The following TAFA2 variants were observed in gnomAD, a reference collection of about 807,000 sequenced individuals.
The protein encoded by TAFA2 is chemokine-like protein TAFA-2.
A neutral mutation model predicts 18.8 loss-of-function variants in TAFA2; 7 were observed. The ratio of observed to expected loss-of-function variants is 0.37; its 90% confidence interval spans 0.21 to 0.70. The LOEUF (loss-of-function observed/expected upper bound fraction) is 0.70. Among genes scored for constraint, TAFA2 ranks in the 30% least tolerant of loss-of-function variants. The probability of loss-of-function intolerance (pLI) is 0.53; values close to 1 mark genes in which losing one functional copy is unlikely to be tolerated. For synonymous variants in TAFA2, 60 were observed against 54.2 expected, an observed-to-expected ratio of 1.11 and a Z score of -0.47; for missense variants, 122 against 158.1, an observed-to-expected ratio of 0.77 and a Z score of 1.23.
At chr12:61,823,669 C>T (rs1221817703) in intron 2 of TAFA2, among the ~76,000 whole-genome samples, 1 of 152,114 alleles carries the variant, frequency 6.6e-6, no homozygotes, top group Non-Finnish European at 1.5e-5. Flanking sequence ...TAGTTTCAGC[C>T]CTTGAAACAA....
At chr12:61,869,250 G>C (rs10735896) in intron 1 of TAFA2, among the ~76,000 whole-genome samples, 123,732 of 152,166 alleles carry the variant, frequency 0.81, 50,462 homozygotes, top group East Asian at 0.89. Flanking sequence ...TGCTGACTAT[G>C]TGACTTTGAA....
chr12:62,231,057 A>G (rs1427986651), intron 1 of TAFA2, among the ~76,000 whole-genome samples: 1 of 152,234 alleles, frequency 6.6e-6, no homozygotes, highest in Admixed American at 6.5e-5. Flanking sequence ...ATTTATGTCC[A>G]TTTGATCCAC....
At chr12:61,998,007 T>A (rs1441639460) in intron 1 of TAFA2, among the ~76,000 whole-genome samples, 1 of 151,976 alleles carries the variant, frequency 6.6e-6, no homozygotes, top group Non-Finnish European at 1.5e-5. Flanking sequence ...TCAGTTCCAA[T>A]CTGCAGGAAA....
At chr12:61,778,432 C>T (rs1432972276) in intron 2 of TAFA2, among the ~76,000 whole-genome samples, 8 of 151,756 alleles carry the variant, frequency 5.3e-5, no homozygotes, top group South Asian at 4.2e-4. Flanking sequence ...TACTGACAAA[C>T]GCTTGCCACC....
intron 1 of TAFA2, among the ~76,000 whole-genome samples, chr12:62,168,534 C>T (rs1311920187): frequency 6.6e-6 from 1 of 152,150 alleles, no homozygotes; most frequent in South Asian, 2.1e-4. Context: ...GGGGGAAGTA[C>T]AGGCCAACAG....
Position 62,011,512 on chromosome 12 carries a change from T to C in TAFA2, c.-1-144086A>G, listed in dbSNP as rs556291697. Reference sequence around the variant, plus strand: ...TCAGGGTTAAATGGATTAAGGGCGGTGCAAGATGTGCTTTGTTAAACAGAT... The same window carrying C: ...TCAGGGTTAAATGGATTAAGGGCGGCGCAAGATGTGCTTTGTTAAACAGAT... On this transcript the variant is annotated intron_variant, in intron 1 of 4. Coordinates refer to ENST00000416284, the MANE Select transcript of TAFA2 (RefSeq NM_178539.5). 1.4e-4 allele frequency among the ~76,000 whole-genome samples: 21 copies of C among 152,174 alleles called. No individual in the cohort carries two copies. In the South Asian group the frequency reaches 1.9e-3, roughly 14 times the overall value.
In TAFA2 at chr12:61,725,919, G is replaced by T. The variant is rs908373460; in HGVS notation, c.385-15502C>A. Among the ~76,000 whole-genome samples, 5 of 152,002 alleles carry T rather than the reference G, an allele frequency of 3.3e-5. 1 individual carries two copies. The highest frequency in any genetic ancestry group is 2.0e-4 in the Admixed American group (3 of 15,226). Reference sequence around the variant, plus strand: ...ACAATAAACTTTGGGGATTTGGGGAGAAGGGTTGGTGAGGGGTGAGGTATA... The same window carrying T: ...ACAATAAACTTTGGGGATTTGGGGATAAGGGTTGGTGAGGGGTGAGGTATA... On this transcript the variant is annotated intron_variant, in intron 4 of 4. Coordinates refer to ENST00000416284, the MANE Select transcript of TAFA2 (RefSeq NM_178539.5).
At chr12:62,237,034 A>C in intron 1 of TAFA2, among the ~76,000 whole-genome samples, 1 of 152,156 alleles carries the variant, frequency 6.6e-6, no homozygotes, top group East Asian at 1.9e-4. Context: ...TTGAATAGTC[A>C]TTCTACCCCT....
At chr12:62,206,122 C>T (rs1010710450) in intron 1 of TAFA2, among the ~76,000 whole-genome samples, 1 of 152,138 alleles carries the variant, frequency 6.6e-6, no homozygotes, top group East Asian at 1.9e-4. Context: ...TGTTTTTATT[C>T]TTCTCAATGG....
At chr12:61,931,814 G>A (rs1877567230) in intron 1 of TAFA2, among the ~76,000 whole-genome samples, 1 of 152,146 alleles carries the variant, frequency 6.6e-6, no homozygotes, top group African/African-American at 2.4e-5. Context: ...AACACAAAAA[G>A]TAATATACAG....
intron 2 of TAFA2, among the ~76,000 whole-genome samples, chr12:61,849,478 C>T (rs1873552099): frequency 6.6e-6 from 1 of 152,174 alleles, no homozygotes; most frequent in African/African-American, 2.4e-5. Context: ...AGCCTAGTAT[C>T]TTGCTTATTT....
chr12:61,955,292 C>A (rs186246487), intron 1 of TAFA2, among the ~76,000 whole-genome samples: 20 of 151,822 alleles, frequency 1.3e-4, no homozygotes, highest in African/African-American at 4.6e-4. Flanking sequence ...AGAATAGGTG[C>A]TAGAAAAATT....
At chr12:61,906,295 C>T (rs1273110725) in intron 1 of TAFA2, among the ~76,000 whole-genome samples, 1 of 152,150 alleles carries the variant, frequency 6.6e-6, no homozygotes, top group Non-Finnish European at 1.5e-5. Context: ...TGGGAGGTAA[C>T]TGAATCATGG....
At chr12:62,142,194 G>A (rs2062245213) in intron 1 of TAFA2, among the ~76,000 whole-genome samples, 1 of 152,150 alleles carries the variant, frequency 6.6e-6, no homozygotes, top group Admixed American at 6.5e-5. Flanking sequence ...AGACAGTTTT[G>A]TCATGTATAC....
At chr12:61,965,983 T>C (rs888515839) in intron 1 of TAFA2, among the ~76,000 whole-genome samples, 5 of 151,924 alleles carry the variant, frequency 3.3e-5, no homozygotes, top group African/African-American at 1.2e-4. Flanking sequence ...ACATTTGAGT[T>C]GTTTCCACCT....
In TAFA2 at chr12:62,039,780, G is replaced by C. The variant is rs79919992; in HGVS notation, c.-2+151479C>G. ...ACCATTGTCACCAAAGCAGATACCC[G>C]ATCAAATTCAGTACTTCTCAACCTG... On this transcript the variant is annotated intron_variant, in intron 1 of 4. Coordinates refer to ENST00000416284, the MANE Select transcript of TAFA2 (RefSeq NM_178539.5). 6.9e-3 allele frequency among the ~76,000 whole-genome samples: 1,049 copies of C among 152,208 alleles called. 19 individuals carry two copies. Among genetic ancestry groups the C allele is most frequent in the African/African-American group, 0.024 (986 of 41,536 alleles).
chr12:62,214,116 CTTGT>C (rs1236350533), intron 1 of TAFA2, among the ~76,000 whole-genome samples: 6 of 152,118 alleles, frequency 3.9e-5, no homozygotes, highest in Non-Finnish European at 7.4e-5. Context: ...GATTTAGCCC[CTTGT>C]TTATTTAGGA....
chr12:61,966,623 T>C (rs1366763290), intron 1 of TAFA2, among the ~76,000 whole-genome samples: 1 of 151,906 alleles, frequency 6.6e-6, no homozygotes, highest in Non-Finnish European at 1.5e-5. Flanking sequence ...TTTTAAAACA[T>C]CCATGTCATC....
At position 61,710,067 on chromosome 12, in the gene TAFA2, C is replaced by T; in HGVS notation, c.*339G>A. On this transcript the variant is annotated 3_prime_UTR_variant, in exon 5 of 5. Coordinates refer to ENST00000416284, the MANE Select transcript of TAFA2 (RefSeq NM_178539.5). ...AGCTTGCAGAAACAAGAAAAGTAGT[C>T]ACATCTGGAGCCAATAACTCAAAAG... 1 of 277,382 alleles carries T rather than the reference C, an allele frequency of 3.6e-6. No individual in the cohort carries two copies. Among genetic ancestry groups the T allele is most frequent in the African/African-American group, 2.2e-5 (1 of 45,268 alleles). The allele number at this position is 277,382 out of a possible 1,614,324, so 17.2% of individuals were successfully genotyped here.
Sources: allele counts gnomAD v4.1 joint callset (sites outside exome capture counted in the v4.1 genomes callset), GRCh38; gene constraint gnomAD v4.1.1; transcripts MANE v1.5; gene names NCBI Gene and HGNC (gene_info 2026-07-23, HGNC 2026-07-21).